Variants in ARB2A observed in about 807,000 individuals in gnomAD.
ARB2A encodes ARB2 cotranscriptional regulator A, also known as cotranscriptional regulator ARB2A.
At chr5:93,624,495 G>A in the ARB2A span, among the ~76,000 whole-genome samples, 1,245 of 152,200 alleles carry the variant, frequency 8.2e-3, 9 homozygotes, top group Non-Finnish European at 0.013. Context: ...TGGCAGGCTT[G>A]GTCTAACTGG....
the ARB2A span, among the ~76,000 whole-genome samples, chr5:94,076,395 G>A: frequency 2.2e-4 from 34 of 152,226 alleles, no homozygotes; most frequent in African/African-American, 7.5e-4. Flanking sequence ...TGAATAAAAT[G>A]TGTCTATATC....
the ARB2A span, among the ~76,000 whole-genome samples, chr5:93,902,783 T>C: frequency 6.6e-6 from 1 of 152,062 alleles, no homozygotes; most frequent in Non-Finnish European, 1.5e-5. Flanking sequence ...CAAAGACACC[T>C]CAATCTGGTG....
At chr5:93,897,584 A>G in the ARB2A span, among the ~76,000 whole-genome samples, 1 of 152,068 alleles carries the variant, frequency 6.6e-6, no homozygotes, top group East Asian at 1.9e-4. Context: ...GTAGTTTTGA[A>G]AATCCATTGT....
At chr5:93,676,196 A>G in the ARB2A span, among the ~76,000 whole-genome samples, 2 of 152,108 alleles carry the variant, frequency 1.3e-5, no homozygotes, top group African/African-American at 4.8e-5. Context: ...TTTGGAATCA[A>G]TTTCTTTCCA....
chr5:93,721,890 C>A, the ARB2A span, among the ~76,000 whole-genome samples: 8 of 152,154 alleles, frequency 5.3e-5, no homozygotes, highest in Non-Finnish European at 7.4e-5. Flanking sequence ...ATAGGAATTT[C>A]ATGTTTCAAT....
At chr5:93,764,681 C>G in the ARB2A span, among the ~76,000 whole-genome samples, 1 of 152,194 alleles carries the variant, frequency 6.6e-6, no homozygotes, top group African/African-American at 2.4e-5. Flanking sequence ...GGGAATCCTC[C>G]CTAACTCATT....
the ARB2A span, among the ~76,000 whole-genome samples, chr5:93,894,216 T>C: frequency 7.2e-5 from 11 of 152,180 alleles, no homozygotes; most frequent in Non-Finnish European, 2.9e-5. Flanking sequence ...TTAATCTTTA[T>C]GAATACAATT....
chr5:93,620,970 C>A, the ARB2A span: 568 of 1,600,314 alleles, frequency 3.5e-4, 6 homozygotes, highest in African/African-American at 6.7e-3. Flanking sequence ...CGGCCTCCCC[C>A]GTCGCGCTCG....
chr5:93,671,336 G>GT, the ARB2A span, among the ~76,000 whole-genome samples: 1 of 151,942 alleles, frequency 6.6e-6, no homozygotes, highest in Non-Finnish European at 1.5e-5. Context: ...ATCCAGCCTT[G>GT]TTTTTTTGAA....
the ARB2A span, among the ~76,000 whole-genome samples, chr5:93,956,962 T>C: frequency 1.3e-5 from 2 of 152,272 alleles, no homozygotes; most frequent in African/African-American, 4.8e-5. Flanking sequence ...AACTAAAATT[T>C]TTACGTGTGC....
the ARB2A span, among the ~76,000 whole-genome samples, chr5:93,981,656 CAAT>C: frequency 6.6e-6 from 1 of 151,332 alleles, no homozygotes; most frequent in South Asian, 2.1e-4. Flanking sequence ...ATTTAATAAA[CAAT>C]AATAAAATAT....
At chr5:93,846,768 C>T in the ARB2A span, among the ~76,000 whole-genome samples, 1 of 152,160 alleles carries the variant, frequency 6.6e-6, no homozygotes, top group Non-Finnish European at 1.5e-5. Context: ...TGAACCTTCA[C>T]TGAACTACAA....
At chr5:93,777,228 C>T in the ARB2A span, among the ~76,000 whole-genome samples, 5 of 151,254 alleles carry the variant, frequency 3.3e-5, no homozygotes, top group African/African-American at 1.2e-4. Flanking sequence ...TTAGTGGGTG[C>T]GGCACACCAG....
chr5:94,010,233 G>T, the ARB2A span, among the ~76,000 whole-genome samples: 1 of 151,936 alleles, frequency 6.6e-6, no homozygotes, highest in Non-Finnish European at 1.5e-5. Flanking sequence ...CATAAGTTTT[G>T]ATATATTGCG....
the ARB2A span, among the ~76,000 whole-genome samples, chr5:93,971,875 TG>T: frequency 6.6e-6 from 1 of 152,142 alleles, no homozygotes; most frequent in African/African-American, 2.4e-5. Context: ...ATCCTTGGCA[TG>T]GTCTGCCACC....
At chr5:93,830,189 C>T in the ARB2A span, among the ~76,000 whole-genome samples, 6 of 151,060 alleles carry the variant, frequency 4.0e-5, no homozygotes, top group African/African-American at 1.2e-4. Context: ...GAGTTTCCAC[C>T]TATTGATGGT....
chr5:93,877,022 T>C, the ARB2A span, among the ~76,000 whole-genome samples: 7 of 152,192 alleles, frequency 4.6e-5, no homozygotes, highest in Non-Finnish European at 1.0e-4. Flanking sequence ...TTTAAGCATC[T>C]CTATGTGCAA....
chr5:93,654,064 A>G, the ARB2A span, among the ~76,000 whole-genome samples: 2 of 152,228 alleles, frequency 1.3e-5, no homozygotes, highest in Non-Finnish European at 2.9e-5. Context: ...CTAGGTGTGA[A>G]GATACAAAAA....
chr5:93,858,682 CT>C, the ARB2A span, among the ~76,000 whole-genome samples: 1 of 152,240 alleles, frequency 6.6e-6, no homozygotes. Context: ...GCATATATGC[CT>C]GAAGTGACAG....
Sources: allele counts gnomAD v4.1 joint callset (sites outside exome capture counted in the v4.1 genomes callset), GRCh38; gene constraint gnomAD v4.1.1; transcripts MANE v1.5; gene names NCBI Gene and HGNC (gene_info 2026-07-23, HGNC 2026-07-21).